The following USH2A variants were observed in gnomAD, a reference collection of about 807,000 sequenced individuals.
USH2A encodes Usher syndrome 2A (autosomal recessive, mild).
USH2A carries 443 observed loss-of-function variants against 538.9 expected under a neutral mutation model. That is an observed-to-expected ratio of 0.82 (90% CI 0.76 to 0.89). The LOEUF (loss-of-function observed/expected upper bound fraction) is 0.89. Ranked by LOEUF, USH2A falls within the 40% of genes least tolerant of loss-of-function variation. The probability of loss-of-function intolerance (pLI) is 0.00; values close to 1 mark genes in which losing one functional copy is unlikely to be tolerated. For missense variants in USH2A, 6,633 were observed against 6,324.8 expected, an observed-to-expected ratio of 1.05 and a Z score of -1.65; for synonymous variants, 2,413 against 2,273.5, an observed-to-expected ratio of 1.06 and a Z score of -1.75.
At chr1:216,240,013 C>CAAAAAAAAAAAAA (rs55691066) in intron 13 of USH2A, among the ~76,000 whole-genome samples, 9 of 112,288 alleles carry the variant, frequency 8.0e-5, no homozygotes, top group Non-Finnish European at 9.1e-5. Flanking sequence ...ATGAAATAAA[C>CAAAAAAAAAAAAA]AAAAAAAAAA....
In USH2A at chr1:215,798,944, A is replaced by C. The variant is rs1057519382; in HGVS notation, c.9921T>G (p.Cys3307Trp). Residue 3307 changes from cysteine to tryptophan, a missense_variant, in exon 50 of 72, where the codon TGT (cysteine) becomes TGG (tryptophan). By Grantham distance (215) the Cys-to-Trp change is radical. Coordinates refer to ENST00000307340, the MANE Select transcript of USH2A (RefSeq NM_206933.4). ...RQIVSNDLEC[C>W]GGEEGVVYNR... ...TGTACACCACTCCTTCTTCTCCACC[A>C]CAACACTCTAAATCGTTGCTCACAA... 32 of 1,613,886 alleles carry C rather than the reference A, an allele frequency of 2.0e-5. No individual in the cohort carries two copies. The highest frequency in any genetic ancestry group is 2.6e-5 in the Non-Finnish European group (31 of 1,179,960).
chr1:215,934,749 G>T lies in USH2A; in HGVS notation c.7167C>A (p.Ser2389Arg), dbSNP rs200243588. The change falls in exon 38 of 72, where the codon AGC becomes AGA. Residue 2389 changes from serine (S) to arginine (R), a missense_variant. Transcript: ENST00000307340. ...GCACCCAAAGGTTTGTCTCTTCTCC[G>T]CTGTACATGACTTTTGTGACATTCA... is the stretch of plus-strand genomic sequence containing the variant. ...TLLNVTKVMY[S>R]GEETNLWVLI... 7 of 1,612,480 alleles carry T rather than the reference G, an allele frequency of 4.3e-6. No individual in the cohort carries two copies. Among genetic ancestry groups the T allele is most frequent in the Non-Finnish European group, 5.1e-6 (6 of 1,179,020 alleles).
rs1027643766 is a variant in USH2A, at chr1:216,174,503, A to G, written c.4627+749T>C. The G allele has an allele frequency of 2.9e-5, 29 of 985,276 alleles. No homozygotes were observed. In the African/African-American group the frequency reaches 3.3e-4, roughly 11 times the overall value. 61.0% of individuals were successfully genotyped at this position (985,276 alleles called of 1,614,324 possible). ...CAGGATTGTGCTGGTACAGAGTTCA[A>G]TCTGTCTTTATTTAAGCTTTTGATA... On this transcript the variant is annotated intron_variant, in intron 21 of 71. Transcript: ENST00000307340.
intron 20 of USH2A, among the ~76,000 whole-genome samples, chr1:216,188,254 T>A (rs992462417): frequency 6.6e-6 from 1 of 151,880 alleles, no homozygotes; most frequent in Non-Finnish European, 1.5e-5. Context: ...CACTAATGCA[T>A]AGGGCAGGCA....
At chr1:215,845,721 C>T (rs1663821108) in intron 45 of USH2A, 103 bp downstream of exon 45, 4 of 1,317,578 alleles carry the variant, frequency 3.0e-6, no homozygotes, top group Non-Finnish European at 3.2e-6. Context: ...CCCTCCCACA[C>T]CGGAAATTTT....
intron 17 of USH2A, 89 bp from the exon 18 acceptor site, chr1:216,198,673 C>T: frequency 8.5e-7 from 1 of 1,180,030 alleles, no homozygotes; most frequent in African/African-American, 1.5e-5. Context: ...TTAAAGAGTG[C>T]TGGATATTCA....
intron 46 of USH2A, 21 bp from the exon 47 acceptor site, chr1:215,838,124 A>T: frequency 6.3e-7 from 1 of 1,583,542 alleles, no homozygotes; most frequent in Non-Finnish European, 8.7e-7. Context: ...TAGTTTAGAA[A>T]AAATAAATGC....
At chr1:215,819,443 A>G (rs896538803) in intron 47 of USH2A, among the ~76,000 whole-genome samples, 2 of 151,792 alleles carry the variant, frequency 1.3e-5, no homozygotes, top group African/African-American at 4.8e-5. Context: ...TTGTGGGGGT[A>G]CAAACATAAC....
chr1:216,083,284 A>C, intron 26 of USH2A, 172 bp downstream of exon 26: 1 of 614,350 alleles, frequency 1.6e-6, no homozygotes, highest in Admixed American at 3.5e-5. Context: ...CTAGGATAAT[A>C]AAATACAAAA....
rs2034848341 is a variant in USH2A, at chr1:216,196,561, A to G, written c.4243T>C (p.Phe1415Leu). 1.2e-6 allele frequency: 2 copies of G among 1,613,374 alleles called. No individual in the cohort carries two copies. Among genetic ancestry groups the G allele is most frequent in the Non-Finnish European group, 1.7e-6 (2 of 1,179,546 alleles). The part of the protein sequence containing the change: ...QSPQQSIPMA[F>L]SQLLHTAKSQ... ...GTTAAAAATAACAATACCTGTGAAA[A>G]CGCCATGGGAATAGACTGTTGAGGT... The change falls in exon 19 of 72, where the codon TTT becomes CTT. Residue 1415 changes from phenylalanine (F) to leucine (L), a missense_variant. Physicochemically the swap from Phe to Leu is conservative, Grantham distance 22 (BLOSUM62 0). Coordinates refer to ENST00000307340, the MANE Select transcript of USH2A (RefSeq NM_206933.4).
chr1:216,043,986 T>G (rs2030408594), intron 32 of USH2A, among the ~76,000 whole-genome samples: 1 of 150,680 alleles, frequency 6.6e-6, no homozygotes, highest in East Asian at 1.9e-4. Flanking sequence ...ATCTTCTTGT[T>G]TTTATTCCCA....
intron 13 of USH2A, among the ~76,000 whole-genome samples, chr1:216,238,327 G>A (rs995328549): frequency 1.3e-5 from 2 of 152,054 alleles, no homozygotes; most frequent in African/African-American, 2.4e-5. Context: ...TCACTGGCTC[G>A]GGATGCGTTG....
intron 3 of USH2A, among the ~76,000 whole-genome samples, chr1:216,416,625 A>C (rs1461787229): frequency 6.6e-6 from 1 of 152,128 alleles, no homozygotes; most frequent in East Asian, 1.9e-4. Flanking sequence ...TAAATGACTC[A>C]TATTTGACAT....
At position 216,175,497 on chromosome 1, in the gene USH2A, A is replaced by G; in HGVS notation, c.4397-15T>C. ...TTGTGCTGGTGCTAAATATTAGAAA[A>G]CACCTGTTATATTCAAGAATTTGGT... On this transcript the variant is annotated splice_polypyrimidine_tract_variant and intron_variant, in intron 20 of 71. Transcript: ENST00000307340. The G allele has an allele frequency of 6.2e-7, 1 of 1,612,908 alleles. No individual in the cohort carries two copies. The highest frequency in any genetic ancestry group is 8.5e-7 in the Non-Finnish European group (1 of 1,179,218).
intron 49 of USH2A, among the ~76,000 whole-genome samples, chr1:215,800,217 T>C (rs1662283527): frequency 1.3e-5 from 2 of 152,114 alleles, no homozygotes; most frequent in Non-Finnish European, 2.9e-5. Context: ...TTCTCTTCTC[T>C]ATCTCATGAC....
At chr1:215,914,762 G>T (rs765515827) in intron 38 of USH2A, among the ~76,000 whole-genome samples, 8 of 152,144 alleles carry the variant, frequency 5.3e-5, no homozygotes, top group Non-Finnish European at 7.4e-5. Flanking sequence ...CACGCCATCT[G>T]CTCCAAAAGC....
chr1:215,966,829 T>C (rs540120531), intron 36 of USH2A, among the ~76,000 whole-genome samples: 5 of 152,324 alleles, frequency 3.3e-5, no homozygotes, highest in African/African-American at 1.2e-4. Flanking sequence ...ACTTGAAAAG[T>C]TGAAGAATTA....
intron 32 of USH2A, among the ~76,000 whole-genome samples, chr1:216,004,504 C>T (rs1668346528): frequency 6.6e-6 from 1 of 152,068 alleles, no homozygotes; most frequent in Admixed American, 6.6e-5. Flanking sequence ...TGGCAGTCAT[C>T]AGTAATTGCA....
chr1:216,210,558 T>C (rs1390685627), intron 15 of USH2A, among the ~76,000 whole-genome samples: 2 of 152,138 alleles, frequency 1.3e-5, no homozygotes, highest in East Asian at 3.9e-4. Flanking sequence ...CATGTTACCC[T>C]TCCTGTAAAA....
Sources: gnomAD v4.1 joint callset for allele counts (sites outside exome capture counted in the v4.1 genomes callset) on GRCh38, gnomAD v4.1.1 for gene constraint, MANE v1.5 for transcripts, NCBI Gene and HGNC (gene_info 2026-07-23, HGNC 2026-07-21) for gene names.